DISC1: variants seen among roughly 807,000 people sequenced by gnomAD.
DISC1 encodes DISC1 scaffold protein.
In DISC1, 57 loss-of-function variants were observed where a neutral mutation model predicts 84.5. The observed-to-expected ratio is 0.67, with a 90% CI of 0.55 to 0.84. The LOEUF (loss-of-function observed/expected upper bound fraction) is 0.84, where lower values mean the gene tolerates loss of function less well. Among genes scored for constraint, DISC1 ranks in the 40% least tolerant of loss-of-function variants. The pLI, the probability that DISC1 is intolerant of heterozygous loss-of-function variation, is 0.00. For missense variants in DISC1, 1,000 were observed against 1,057.8 expected, an observed-to-expected ratio of 0.95 and a Z score of 0.76; for synonymous variants, 411 against 415.2, an observed-to-expected ratio of 0.99 and a Z score of 0.12.
chr1:231,910,161 T>A (rs2126050945), intron 9 of DISC1, among the ~76,000 whole-genome samples: 2 of 152,218 alleles, frequency 1.3e-5, no homozygotes, highest in South Asian at 4.2e-4. Context: ...AAGGGTTTTT[T>A]GTCTCTATCT....
At chr1:231,873,759 G>A (rs199991309) in intron 9 of DISC1, among the ~76,000 whole-genome samples, 1 of 152,180 alleles carries the variant, frequency 6.6e-6, no homozygotes, top group Non-Finnish European at 1.5e-5. Flanking sequence ...ACTCTAAGAA[G>A]AGAAAGTTGT....
chr1:231,957,023 G>A (rs893865408), intron 9 of DISC1, among the ~76,000 whole-genome samples: 1 of 152,196 alleles, frequency 6.6e-6, no homozygotes, highest in South Asian at 2.1e-4. Flanking sequence ...TTCAAGAAGA[G>A]GGAAATAGTC....
rs1667772433 is a variant in DISC1 at position 232,008,785 on chromosome 1, C to G, written c.2043C>G (p.Ser681Arg). 1 of 1,553,374 alleles carries G rather than the reference C, an allele frequency of 6.4e-7. No individual in the cohort carries two copies. The highest frequency in any genetic ancestry group is 8.7e-7 in the Non-Finnish European group (1 of 1,150,192). Reference protein sequence around the residue: ...YMETLKNKLCSCKCPLLGKVW... With the variant: ...YMETLKNKLCRCKCPLLGKVW... ...TGCCTTTGTTTCCTCTCTGTCTCAG[C>G]TGCAAGTGTCCACTGCTTGGGAAAG... Residue 681 changes from serine to arginine, a missense_variant and splice_region_variant, in exon 11 of 13, where the codon AGC becomes AGG. Around this residue, in one of 3 missense-constraint regions of DISC1, gnomAD observed 397 missense variants for 377.5 expected, o/e 1.05. Coordinates refer to ENST00000439617, the MANE Select transcript of DISC1 (RefSeq NM_018662.3).
chr1:231,685,531 C>A (rs903226428), intron 1 of DISC1, among the ~76,000 whole-genome samples: 1 of 152,092 alleles, frequency 6.6e-6, no homozygotes, highest in Non-Finnish European at 1.5e-5. Context: ...TGGCTCACTG[C>A]AACCTCTGCC....
chr1:231,851,122 C>T (rs1347494045), intron 9 of DISC1, among the ~76,000 whole-genome samples: 1 of 152,204 alleles, frequency 6.6e-6, no homozygotes, highest in East Asian at 1.9e-4. Context: ...ACTTACTGTA[C>T]ATTCTCATCC....
At chr1:231,792,407 C>T (rs941358838) in intron 6 of DISC1, among the ~76,000 whole-genome samples, 2 of 152,104 alleles carry the variant, frequency 1.3e-5, no homozygotes, top group African/African-American at 4.8e-5. Context: ...CTGTTTTGGT[C>T]AGCTAAAATT....
chr1:232,032,314 T>C (rs1386171892), intron 12 of DISC1, among the ~76,000 whole-genome samples: 1 of 152,214 alleles, frequency 6.6e-6, no homozygotes, highest in Non-Finnish European at 1.5e-5. Flanking sequence ...AACACTCAAT[T>C]GTTTTCTTAT....
intron 10 of DISC1, among the ~76,000 whole-genome samples, chr1:231,972,981 A>G (rs563916609): frequency 7.2e-4 from 109 of 151,632 alleles, no homozygotes; most frequent in Non-Finnish European, 3.1e-4. Flanking sequence ...GCCTCATTTG[A>G]TGGATTCCAG....
chr1:231,959,079 G>T lies in DISC1; in HGVS notation c.2042+191G>T, dbSNP rs1660028018. ...CAGCCCTCATCTTGTCTTTTAAAAA[G>T]TAAGTAGATTAAGATGTTTAAAAGT... On this transcript the variant is annotated intron_variant, in intron 10 of 12. Transcript: ENST00000439617. 3 of 1,366,978 alleles carry T rather than the reference G, an allele frequency of 2.2e-6. No individual in the cohort carries two copies. The East Asian group carries it at 8.7e-5, about 40-fold the overall frequency. The allele number at this position is 1,366,978 out of a possible 1,614,324, so 84.7% of individuals were successfully genotyped here. A position where few individuals can be genotyped will look rare whatever the true frequency, so the allele number is the denominator to read the frequency against.
At chr1:231,720,991 C>G (rs560822750) in intron 3 of DISC1, 1 of 1,290,948 alleles carries the variant, frequency 7.7e-7, no homozygotes, top group East Asian at 5.5e-5. Flanking sequence ...TGAACAGCAA[C>G]TGTGGATACG....
Position 232,002,557 on chromosome 1 carries a change from A to G in DISC1, c.2043-6228A>G, listed in dbSNP as rs1042381514. Among the ~76,000 whole-genome samples, 17 of 152,034 alleles carry G rather than the reference A, an allele frequency of 1.1e-4. No homozygotes were observed. The East Asian group carries it at 3.1e-3, about 28-fold the overall frequency. ...TACTACTCAGCAGTTGAAAAGGAAT[A>G]AACAATTGATACACGAATCTCCAGG... On this transcript the variant is annotated intron_variant, in intron 10 of 12. Transcript: ENST00000439617.
At chr1:231,938,478 AG>A (rs2091112893) in intron 9 of DISC1, among the ~76,000 whole-genome samples, 1 of 152,166 alleles carries the variant, frequency 6.6e-6, no homozygotes, top group Non-Finnish European at 1.5e-5. Context: ...ACCTCAGCCT[AG>A]GGCCACAGGA....
At chr1:231,727,602 A>G (rs2070909894) in intron 3 of DISC1, among the ~76,000 whole-genome samples, 1 of 152,180 alleles carries the variant, frequency 6.6e-6, no homozygotes, top group Non-Finnish European at 1.5e-5. Flanking sequence ...TTAAATCTGA[A>G]TCAAGAAGCA....
In DISC1 at chr1:232,008,907, T is replaced by C. The variant is rs370604562; in HGVS notation, c.2165T>C (p.Met722Thr). 8 of 1,613,716 alleles carry C rather than the reference T, an allele frequency of 5.0e-6. No individual in the cohort carries two copies. The African/African-American group carries it at 5.3e-5, about 11-fold the overall frequency. Reference protein sequence around the residue: ...GSLSVEDERQMDDLEGAAPPI... With the variant: ...GSLSVEDERQTDDLEGAAPPI... Reference sequence around the variant, plus strand: ...CTGTCTGTAGAAGATGAGAGGCAGATGGATGACTTAGAGGGAGCTGCTCCT... The same window carrying C: ...CTGTCTGTAGAAGATGAGAGGCAGACGGATGACTTAGAGGGAGCTGCTCCT... The change falls in exon 11 of 13, where the codon ATG (methionine) becomes ACG (threonine). Residue 722 changes from methionine (M) to threonine (T), a missense_variant. By Grantham distance (81) the Met-to-Thr change is moderately conservative. Around this residue, in one of 3 missense-constraint regions of DISC1, gnomAD observed 397 missense variants for 377.5 expected, o/e 1.05. Coordinates refer to ENST00000439617, the MANE Select transcript of DISC1 (RefSeq NM_018662.3).
At chr1:231,800,295 A>G in intron 8 of DISC1, 85 bp downstream of exon 8, 10 of 1,054,142 alleles carry the variant, frequency 9.5e-6, no homozygotes, top group Non-Finnish European at 1.2e-5. Flanking sequence ...CTCGATGAAC[A>G]TTCCACTGTT....
At chr1:231,626,969 G>A in intron 1 of DISC1, 35 bp downstream of exon 1, 1 of 1,420,416 alleles carries the variant, frequency 7.0e-7, no homozygotes, top group South Asian at 1.4e-5. Context: ...AGCACGTCCT[G>A]GGGGGGTCCT....
intron 12 of DISC1, among the ~76,000 whole-genome samples, chr1:232,033,029 A>C (rs1329284302): frequency 4.6e-5 from 7 of 152,178 alleles, no homozygotes; most frequent in African/African-American, 7.2e-5. Context: ...TTTATGGTTC[A>C]ATATGAATGC....
At chr1:232,025,978 A>AGT (rs1238580139) in intron 11 of DISC1, among the ~76,000 whole-genome samples, 2 of 152,198 alleles carry the variant, frequency 1.3e-5, no homozygotes, top group African/African-American at 2.4e-5. Context: ...GACTGTGGTC[A>AGT]GTGTGTAAAC....
Position 231,694,481 on chromosome 1 carries a change from C to G in DISC1, c.723C>G (p.Ser241Arg). The change falls in exon 2 of 13, where the codon AGC becomes AGG. Residue 241 changes from serine (S) to arginine (R), a missense_variant. Ser to Arg is a moderately radical substitution (Grantham distance 110). This residue lies in a region of DISC1 where 311 missense variants were observed against 400.1 expected (regional missense o/e 0.78). Coordinates refer to ENST00000439617, the MANE Select transcript of DISC1 (RefSeq NM_018662.3). The stretch of plus-strand genomic sequence containing the variant: ...GAGAGGCTGAGTCCCATTGCCAGAG[C>G]CCCCAGGAGATGGGAGCCAAAGCTG... ...PSREAESHCQ[S>R]PQEMGAKAAS... 6.2e-7 allele frequency: 1 copy of G among 1,614,260 alleles called. No homozygotes were observed. Among genetic ancestry groups the G allele is most frequent in the Non-Finnish European group, 8.5e-7 (1 of 1,180,052 alleles).
Sources: allele counts gnomAD v4.1 joint callset (sites outside exome capture counted in the v4.1 genomes callset), GRCh38; gene constraint gnomAD v4.1.1; regional missense constraint gnomAD v4.1.1; transcripts MANE v1.5; gene names NCBI Gene and HGNC (gene_info 2026-07-23, HGNC 2026-07-21).